RD3: variants seen among roughly 807,000 people sequenced by gnomAD.
The protein encoded by RD3 is protein RD3.
RD3 carries 11 observed loss-of-function variants against 16.9 expected under a neutral mutation model. The observed-to-expected ratio is 0.65, with a 90% CI of 0.41 to 1.08. The LOEUF (loss-of-function observed/expected upper bound fraction) is 1.08. Among genes scored for constraint, RD3 ranks in the 50% least tolerant of loss-of-function variants. The pLI is 0.00. For synonymous variants in RD3, 116 were observed against 114.8 expected, an observed-to-expected ratio of 1.01 and a Z score of -0.07; for missense variants, 274 against 267.4, an observed-to-expected ratio of 1.02 and a Z score of -0.17.
At chr1:211,483,509 A>G (rs767317572) in intron 1 of RD3, among the ~76,000 whole-genome samples, 7 of 152,080 alleles carry the variant, frequency 4.6e-5, no homozygotes, top group Non-Finnish European at 1.0e-4. Context: ...ACCTAAGCCT[A>G]TCACCAATGG....
intron 1 of RD3, among the ~76,000 whole-genome samples, chr1:211,487,636 C>T (rs1247213370): frequency 5.3e-5 from 8 of 152,244 alleles, no homozygotes; most frequent in Admixed American, 5.2e-4. Context: ...TCCTGATTCA[C>T]TCTACCTGAT....
chr1:211,489,247 G>A (rs1215705146), intron 1 of RD3, among the ~76,000 whole-genome samples: 1 of 152,134 alleles, frequency 6.6e-6, no homozygotes, highest in African/African-American at 2.4e-5. Context: ...TTACCCTTGG[G>A]TCCTAGGGAA....
At position 211,478,163 on chromosome 1, in the gene RD3, C is replaced by T. The variant is rs1168650248; in HGVS notation, c.*873G>A. 1.0e-5 allele frequency: 4 copies of T among 398,574 alleles called. No homozygotes were observed. The highest frequency in any genetic ancestry group is 1.8e-5 in the Non-Finnish European group (4 of 226,138). 24.7% of individuals were successfully genotyped at this position (398,574 alleles called of 1,614,324 possible). A position where few individuals can be genotyped will look rare whatever the true frequency, so the allele number is the denominator to read the frequency against. On this transcript the variant is annotated 3_prime_UTR_variant, in exon 3 of 3. Coordinates refer to ENST00000680073, the MANE Select transcript of RD3 (RefSeq NM_001164688.2). ...AGCATCTGAAGTCCTTGGAGCTGAG[C>T]CTCTGGAAGAAGCTGTTAGGGACTG...
chr1:211,481,541 T>C (rs1225649282), intron 1 of RD3, 115 bp from the exon 2 acceptor site: 2 of 934,264 alleles, frequency 2.1e-6, no homozygotes, highest in African/African-American at 3.3e-5. Context: ...GAAGACCTGC[T>C]CTGCCCTAAC....
In RD3 at chr1:211,478,985, T is replaced by G; in HGVS notation, c.*51A>C. ...GGGCCCGGCGCTCCGGTCACCGGCC[T>G]ATCATTCCCCCTGCAGAAGGCTCCG... On this transcript the variant is annotated 3_prime_UTR_variant, in exon 3 of 3. Transcript: ENST00000680073. 1 of 1,507,290 alleles carries G rather than the reference T, an allele frequency of 6.6e-7. No individual in the cohort carries two copies. The highest frequency in any genetic ancestry group is 1.4e-5 in the African/African-American group (1 of 72,920). 93.4% of individuals were successfully genotyped at this position (1,507,290 alleles called of 1,614,324 possible).
At chr1:211,481,560 G>A (rs1309347428) in intron 1 of RD3, 134 bp from the exon 2 acceptor site, 1 of 749,990 alleles carries the variant, frequency 1.3e-6, no homozygotes, top group East Asian at 2.7e-5. Flanking sequence ...ACAGTTGAGT[G>A]GCCTCAAGTA....
At position 211,479,014 on chromosome 1, in the gene RD3, C is replaced by A; in HGVS notation, c.*22G>T. The A allele has an allele frequency of 6.3e-7, 1 of 1,583,040 alleles. No individual in the cohort carries two copies. The highest frequency in any genetic ancestry group is 8.6e-7 in the Non-Finnish European group (1 of 1,167,800). ...ATTCCCCCTGCAGAAGGCTCCGCTTCTGGGCAGGGAAGCGGCCGGGGTCAG... is the reference window on the plus strand; with the variant it reads ...ATTCCCCCTGCAGAAGGCTCCGCTTATGGGCAGGGAAGCGGCCGGGGTCAG... On this transcript the variant is annotated 3_prime_UTR_variant, in exon 3 of 3. Transcript: ENST00000680073.
rs1286579620 is a variant in RD3, at chr1:211,478,359, C to T, written c.*677G>A. ...CCTTTGGACCTGTCCCTTCATAGCCCAGGATTCCAAACTCAGGAACAGACA... is the reference window on the plus strand; with the variant it reads ...CCTTTGGACCTGTCCCTTCATAGCCTAGGATTCCAAACTCAGGAACAGACA... On this transcript the variant is annotated 3_prime_UTR_variant, in exon 3 of 3. Transcript: ENST00000680073. 7.6e-6 allele frequency: 3 copies of T among 395,296 alleles called. No homozygotes were observed. The highest frequency in any genetic ancestry group is 6.2e-5 in the African/African-American group (3 of 48,698). The allele number at this position is 395,296 out of a possible 1,614,324, so 24.5% of individuals were successfully genotyped here.
chr1:211,478,043 G>A lies in RD3; in HGVS notation c.*993C>T. On this transcript the variant is annotated 3_prime_UTR_variant, in exon 3 of 3. Transcript: ENST00000680073. ...TCAGCTGCCTCAAGGTCAGTCAGGG[G>A]TTTGGGCATCACTTTCTGGAGAAAG... The A allele has an allele frequency of 7.5e-6, 3 of 398,686 alleles. No individual in the cohort carries two copies. The highest frequency in any genetic ancestry group is 1.3e-5 in the Non-Finnish European group (3 of 226,118). 24.7% of individuals were successfully genotyped at this position (398,686 alleles called of 1,614,324 possible).
At chr1:211,481,069 C>T (rs1287952729) in intron 2 of RD3, 51 bp downstream of exon 2, 2 of 1,600,504 alleles carry the variant, frequency 1.2e-6, no homozygotes, top group South Asian at 2.2e-5. Flanking sequence ...CCACTGCAGC[C>T]ACCTTTCCTG....
intron 1 of RD3, among the ~76,000 whole-genome samples, chr1:211,488,322 G>T (rs1705416828): frequency 6.6e-6 from 1 of 152,108 alleles, no homozygotes; most frequent in Non-Finnish European, 1.5e-5. Flanking sequence ...ATCACTTGAG[G>T]CCAGGAATTT....
chr1:211,480,681 C>T (rs1705240778), intron 2 of RD3, among the ~76,000 whole-genome samples: 1 of 149,132 alleles, frequency 6.7e-6, no homozygotes, highest in African/African-American at 2.5e-5. Flanking sequence ...CACACACACA[C>T]ACTCACCTGT....
chr1:211,479,774 C>G (rs1705226176), intron 2 of RD3, among the ~76,000 whole-genome samples: 1 of 152,194 alleles, frequency 6.6e-6, no homozygotes. Context: ...CTGTGATATT[C>G]CTTCCAGGTG....
intron 2 of RD3, among the ~76,000 whole-genome samples, chr1:211,479,670 C>A (rs550943697): frequency 6.6e-6 from 1 of 152,194 alleles, no homozygotes; most frequent in East Asian, 1.9e-4. Flanking sequence ...AGCCCTTTGC[C>A]GTGGCAGCCT....
intron 1 of RD3, among the ~76,000 whole-genome samples, chr1:211,483,990 C>A (rs35231213): frequency 6.6e-6 from 1 of 152,190 alleles, no homozygotes; most frequent in East Asian, 1.9e-4. Flanking sequence ...CTCCCTCTGC[C>A]TGAAATGCCC....
rs1420161508 is a variant in RD3 at position 211,479,248 on chromosome 1, G to A, written c.376C>T (p.Leu126=). The change falls in exon 3 of 3, where the codon CTG becomes TTG. Residue 126 remains leucine, a synonymous_variant. Coordinates refer to ENST00000680073, the MANE Select transcript of RD3 (RefSeq NM_001164688.2). ...QLFRSVLQEV[L]ERMKQEEEAH... is the part of the protein sequence containing the mutation. ...TCCTCTTCCTGCTTCATCCTCTCCA[G>A]GACCTCCTGCAGCACCGAGCGGAAG... 3.1e-6 allele frequency: 5 copies of A among 1,608,622 alleles called. No homozygotes were observed. Among genetic ancestry groups the A allele is most frequent in the Non-Finnish European group, 3.4e-6 (4 of 1,177,762 alleles).
chr1:211,481,765 A>G (rs540644023), intron 1 of RD3, among the ~76,000 whole-genome samples: 1 of 152,332 alleles, frequency 6.6e-6, no homozygotes, highest in South Asian at 2.1e-4. Context: ...CTAACTCCCA[A>G]CAAAGCTGGA....
intron 1 of RD3, among the ~76,000 whole-genome samples, chr1:211,485,550 T>C (rs553121162): frequency 6.6e-6 from 1 of 152,154 alleles, no homozygotes; most frequent in East Asian, 1.9e-4. Flanking sequence ...TATCCCAGGG[T>C]ATCCCCAGAA....
rs574066484 is a variant in RD3 at position 211,479,083 on chromosome 1, G to A, written c.541C>T (p.Leu181=). ...AATTCGGGCATGCTCCAGGACCGCA[G>A]TGGCGGCGGTGTGTCCCGCTCCACG... ...EDVERDTPPP[L]RSWSMPEFRA... is the part of the protein sequence containing the mutation. The change falls in exon 3 of 3, where the codon CTG becomes TTG. Residue 181 remains leucine, a synonymous_variant. Transcript: ENST00000680073. 2.5e-6 allele frequency: 4 copies of A among 1,610,408 alleles called. No homozygotes were observed. The highest frequency in any genetic ancestry group is 3.3e-5 in the Admixed American group (2 of 59,928).
Sources: gnomAD v4.1 joint callset for allele counts (sites outside exome capture counted in the v4.1 genomes callset) on GRCh38, gnomAD v4.1.1 for gene constraint, MANE v1.5 for transcripts, NCBI Gene and HGNC (gene_info 2026-07-23, HGNC 2026-07-21) for gene names.